MYO5C: variants seen among roughly 807,000 people sequenced by gnomAD.
MYO5C encodes the protein myosin VC.
Under a neutral mutation model 235.7 loss-of-function variants are expected in MYO5C, and 194 were observed. The observed-to-expected ratio is 0.82, with a 90% CI of 0.73 to 0.93. The LOEUF (loss-of-function observed/expected upper bound fraction) is 0.93. MYO5C is among the 40% of genes least tolerant of loss of function. MYO5C has a pLI of 0.00. For synonymous variants in MYO5C, 707 were observed against 754.8 expected (o/e 0.94, Z 1.04); for missense variants, 2,038 against 2,127.2 (o/e 0.96, Z 0.82).
At chr15:52,205,442 T>C in intron 37 of MYO5C, 1 of 403,368 alleles carries the variant, frequency 2.5e-6, no homozygotes, top group Non-Finnish European at 4.4e-6. Context: ...GCCTGGGCAT[T>C]AAAGCCTAAA....
chr15:52,237,272 T>G, intron 22 of MYO5C: 1 of 500,396 alleles, frequency 2.0e-6, no homozygotes, highest in South Asian at 3.7e-5. Context: ...CTATGTTGCA[T>G]TTCTCTCATT....
At chr15:52,269,569 T>G (rs1028563530) in intron 8 of MYO5C, among the ~76,000 whole-genome samples, 184 bp downstream of exon 8, 1 of 151,882 alleles carries the variant, frequency 6.6e-6, no homozygotes, top group Non-Finnish European at 1.5e-5. Context: ...ATTTTTCGTA[T>G]TTTTAGTGGA....
chr15:52,228,034 T>C (rs943077541), intron 25 of MYO5C, among the ~76,000 whole-genome samples: 6 of 152,374 alleles, frequency 3.9e-5, no homozygotes, highest in Admixed American at 3.9e-4. Flanking sequence ...CACTTAAGCC[T>C]TGATTGTCCA....
intron 36 of MYO5C, among the ~76,000 whole-genome samples, chr15:52,206,175 C>T (rs2035308123): frequency 6.6e-6 from 1 of 152,240 alleles, no homozygotes; most frequent in East Asian, 1.9e-4. Flanking sequence ...CATTGTCCCA[C>T]CCACTTCCCT....
At chr15:52,292,450 T>C (rs1158975326) in intron 1 of MYO5C, among the ~76,000 whole-genome samples, 1 of 152,228 alleles carries the variant, frequency 6.6e-6, no homozygotes, top group Non-Finnish European at 1.5e-5. Flanking sequence ...GCAACTTACC[T>C]GACCTGAGCC....
chr15:52,248,664 TATA>T (rs144380096), intron 14 of MYO5C, 33 bp downstream of exon 14: 52,808 of 1,406,950 alleles, frequency 0.038, 1,304 homozygotes, highest in Non-Finnish European at 0.045. Flanking sequence ...ATGTCAATTA[TATA>T]ATAACTTTAG....
Position 52,205,886 on chromosome 15 carries a change from G to A in MYO5C, c.4467C>T (p.Leu1489=), listed in dbSNP as rs1378546273. ...GATATATTCGTATAGCCACATCACT[G>A]AGAATCTGTCTGTATTCTGAAAGGT... ...NFDLSEYRQI[L]SDVAIRIYHQ... is the part of the protein sequence containing the mutation. The change falls in exon 37 of 41, where the codon CTC becomes CTT. Residue 1489 remains leucine, a synonymous_variant. Coordinates refer to ENST00000261839, the MANE Select transcript of MYO5C (RefSeq NM_018728.4). The A allele has an allele frequency of 9.4e-6, 15 of 1,595,438 alleles. No individual in the cohort carries two copies. Among genetic ancestry groups the A allele is most frequent in the African/African-American group, 1.3e-5 (1 of 74,750 alleles).
chr15:52,216,211 A>G (rs1043453298), intron 32 of MYO5C, among the ~76,000 whole-genome samples: 1 of 152,098 alleles, frequency 6.6e-6, no homozygotes, highest in Non-Finnish European at 1.5e-5. Context: ...AATTATTATT[A>G]TTATTAGTAG....
chr15:52,217,815 C>T (rs1470793307), intron 32 of MYO5C, among the ~76,000 whole-genome samples: 2 of 152,172 alleles, frequency 1.3e-5, no homozygotes, highest in Non-Finnish European at 2.9e-5. Flanking sequence ...CCACACTGAC[C>T]CACTGGACTC....
chr15:52,281,765 C>G (rs2037166672), intron 2 of MYO5C, among the ~76,000 whole-genome samples: 1 of 152,250 alleles, frequency 6.6e-6, no homozygotes, highest in Admixed American at 6.5e-5. Flanking sequence ...CTGTGTTCAT[C>G]TGCCTTCCCA....
rs2036313838 is a variant in MYO5C, at chr15:52,245,359, T to C, written c.2173A>G (p.Ile725Val). 6.2e-7 allele frequency: 1 copy of C among 1,611,124 alleles called. No individual in the cohort carries two copies. The highest frequency in any genetic ancestry group is 1.3e-5 in the African/African-American group (1 of 74,878). Residue 725 changes from isoleucine (I) to valine (V), a missense_variant, in exon 18 of 41, where the codon ATC becomes GTC. Physicochemically the swap from Ile to Val is conservative, Grantham distance 29. Coordinates refer to ENST00000261839, the MANE Select transcript of MYO5C (RefSeq NM_018728.4). ...EVCKVVLHRL[I>V]QDSNQYQFGK... ...CAGGAGGTGGGGAAACTGACCTGGATGAGTCTGTGTAAAACCACCTTGCAC... is the reference window on the plus strand; with the variant it reads ...CAGGAGGTGGGGAAACTGACCTGGACGAGTCTGTGTAAAACCACCTTGCAC...
chr15:52,195,231 C>T, intron 40 of MYO5C, 146 bp downstream of exon 40: 1 of 551,346 alleles, frequency 1.8e-6, no homozygotes, highest in Non-Finnish European at 3.1e-6. Context: ...GGAAAATTTC[C>T]TGCTTACCTT....
chr15:52,208,574 T>G lies in MYO5C; in HGVS notation c.4366A>C (p.Lys1456Gln), dbSNP rs578009540. ...SNTCHFLNCL[K>Q]QYSGEEEFMK... ...CCTACCTCTTCTCCGCTGTACTGCTTCAGGCAATTGAGAAAATGACAAGTG... is the reference window on the plus strand; with the variant it reads ...CCTACCTCTTCTCCGCTGTACTGCTGCAGGCAATTGAGAAAATGACAAGTG... The change falls in exon 36 of 41, where the codon AAG (lysine) becomes CAG (glutamine). Residue 1456 changes from lysine (K) to glutamine (Q), a missense_variant. Coordinates refer to ENST00000261839, the MANE Select transcript of MYO5C (RefSeq NM_018728.4). 47 of 1,614,154 alleles carry G rather than the reference T, an allele frequency of 2.9e-5. 1 individual carries two copies. In the South Asian group the frequency reaches 4.8e-4, roughly 17 times the overall value.
chr15:52,245,844 C>T (rs2036329048), intron 17 of MYO5C, 112 bp downstream of exon 17: 2 of 992,174 alleles, frequency 2.0e-6, no homozygotes, highest in East Asian at 2.5e-5. Context: ...CTTGGGGGCA[C>T]TTTACAGAAG....
At chr15:52,219,273 C>G (rs1367927902) in intron 31 of MYO5C, among the ~76,000 whole-genome samples, 1 of 152,172 alleles carries the variant, frequency 6.6e-6, no homozygotes, top group African/African-American at 2.4e-5. Flanking sequence ...GGGCACGAGG[C>G]CCTTTATTGG....
At chr15:52,220,065 A>C (rs1038372269) in intron 30 of MYO5C, among the ~76,000 whole-genome samples, 5 of 152,208 alleles carry the variant, frequency 3.3e-5, no homozygotes, top group Admixed American at 6.5e-5. Flanking sequence ...AAAGTTTACG[A>C]ATTTGTATTG....
intron 7 of MYO5C, 25 bp from the exon 8 acceptor site, chr15:52,269,885 T>C: frequency 1.3e-6 from 2 of 1,516,158 alleles, no homozygotes; most frequent in East Asian, 2.3e-5. Flanking sequence ...TAAGATTTGT[T>C]ATGTCTGTAA....
intron 13 of MYO5C, 111 bp downstream of exon 13, chr15:52,251,279 A>T: frequency 1.9e-6 from 2 of 1,053,056 alleles, no homozygotes; most frequent in Non-Finnish European, 2.6e-6. Context: ...CATCAAAGCT[A>T]CATGTTAAGT....
In MYO5C at chr15:52,204,642, C is replaced by T. The variant is rs141569757; in HGVS notation, c.4820+223G>A. Among the ~76,000 whole-genome samples, 473 of 152,188 alleles carry T rather than the reference C, an allele frequency of 3.1e-3. 1 individual carries two copies. The highest frequency in any genetic ancestry group is 0.011 in the African/African-American group (450 of 41,536). On this transcript the variant is annotated intron_variant, in intron 38 of 40. Coordinates refer to ENST00000261839, the MANE Select transcript of MYO5C (RefSeq NM_018728.4). ...AACATCTACTGGTTCTGGGTTAAAG[C>T]GGCTAGGCCAGTCCATCTAGTTGGC...
Sources: allele counts gnomAD v4.1 joint callset (sites outside exome capture counted in the v4.1 genomes callset), GRCh38; gene constraint gnomAD v4.1.1; transcripts MANE v1.5; gene names NCBI Gene and HGNC (gene_info 2026-07-23, HGNC 2026-07-21).